The following ZYG11A variants were observed in gnomAD, a reference collection of about 807,000 sequenced individuals.
The protein encoded by ZYG11A is zyg-11 family member A, cell cycle regulator, also known as protein zyg-11 homolog A.
In ZYG11A, 62 loss-of-function variants were observed where a neutral mutation model predicts 77.2. The ratio of observed to expected loss-of-function variants is 0.80; its 90% CI spans 0.65 to 0.99. ZYG11A has a LOEUF of 0.99. ZYG11A is among the 50% of genes least tolerant of loss of function. ZYG11A has a pLI of 0.00. For missense variants in ZYG11A, 828 were observed against 896.8 expected, an observed-to-expected ratio of 0.92 and a Z score of 0.98; for synonymous variants, 315 against 324.6, an observed-to-expected ratio of 0.97 and a Z score of 0.32.
chr1:52,859,206 C>T (rs186612972), intron 3 of ZYG11A, among the ~76,000 whole-genome samples: 1 of 151,650 alleles, frequency 6.6e-6, no homozygotes, highest in Non-Finnish European at 1.5e-5. Context: ...CCTGCTCTGT[C>T]GCCCAGGCTG....
At chr1:52,858,377 CAA>C (rs1202868506) in intron 3 of ZYG11A, among the ~76,000 whole-genome samples, 2 of 140,968 alleles carry the variant, frequency 1.4e-5, no homozygotes, top group Admixed American at 7.1e-5. Context: ...AACGCAGTCT[CAA>C]AAAAAAAAGA....
intron 11 of ZYG11A, among the ~76,000 whole-genome samples, chr1:52,882,531 C>A (rs966777250): frequency 1.3e-5 from 2 of 152,176 alleles, no homozygotes; most frequent in African/African-American, 2.4e-5. Flanking sequence ...TTGGTTTACT[C>A]CCACCTTTTG....
At chr1:52,880,254 G>T (rs566478129) in intron 10 of ZYG11A, among the ~76,000 whole-genome samples, 1 of 152,000 alleles carries the variant, frequency 6.6e-6, no homozygotes, top group Non-Finnish European at 1.5e-5. Context: ...AACAGGCGTG[G>T]GGGGGACATC....
chr1:52,892,584 T>TA (rs931319661), intron 13 of ZYG11A, among the ~76,000 whole-genome samples, 198 bp from the exon 14 acceptor site: 3 of 152,054 alleles, frequency 2.0e-5, no homozygotes, highest in African/African-American at 7.2e-5. Context: ...GTAAACATAC[T>TA]AAAATGAGCA....
chr1:52,865,857 T>C (rs932882729), intron 5 of ZYG11A, among the ~76,000 whole-genome samples: 6 of 152,006 alleles, frequency 3.9e-5, no homozygotes, highest in Non-Finnish European at 7.4e-5. Flanking sequence ...AGAAGTATTA[T>C]ATCTTGATTG....
At chr1:52,889,036 G>C (rs984072673) in intron 13 of ZYG11A, among the ~76,000 whole-genome samples, 4 of 152,264 alleles carry the variant, frequency 2.6e-5, no homozygotes, top group African/African-American at 9.6e-5. Flanking sequence ...TATGTGCCAG[G>C]CAATGTTGTA....
At chr1:52,867,989 C>G (rs892145243) in intron 8 of ZYG11A, among the ~76,000 whole-genome samples, 1 of 99,622 alleles carries the variant, frequency 1.0e-5, no homozygotes, top group African/African-American at 4.5e-5. Context: ...TTTTTTGAGA[C>G]AGAGTCTCAC....
chr1:52,889,454 C>T (rs553794476), intron 13 of ZYG11A, among the ~76,000 whole-genome samples: 49 of 151,012 alleles, frequency 3.2e-4, no homozygotes, highest in African/African-American at 1.1e-3. Flanking sequence ...AAAAAAACAC[C>T]TCAAAACAAA....
Position 52,869,998 on chromosome 1 carries a change from G to A in ZYG11A, c.1542+2221G>A, listed in dbSNP as rs539738222. Among the ~76,000 whole-genome samples, 279 of 149,190 alleles carry A rather than the reference G, an allele frequency of 1.9e-3. 4 individuals are homozygous for A. Among genetic ancestry groups the A allele is most frequent in the African/African-American group, 6.6e-3 (266 of 40,462 alleles). ...CACCCCCCTCCCGGGCGGGGCGGCT[G>A]CCGGGTGGAGGGGCTCCTCACTTCT... On this transcript the variant is annotated intron_variant, in intron 8 of 13. Coordinates refer to ENST00000371528, the MANE Select transcript of ZYG11A (RefSeq NM_001004339.3).
intron 10 of ZYG11A, among the ~76,000 whole-genome samples, chr1:52,878,560 T>G (rs949490925): frequency 2.0e-5 from 3 of 152,126 alleles, no homozygotes; most frequent in Admixed American, 6.6e-5. Flanking sequence ...ATAGGAGAAG[T>G]TGTGTTATTT....
At chr1:52,892,446 T>G (rs1339575462) in intron 13 of ZYG11A, among the ~76,000 whole-genome samples, 1 of 151,364 alleles carries the variant, frequency 6.6e-6, no homozygotes, top group Non-Finnish European at 1.5e-5. Flanking sequence ...GAGAATTGCT[T>G]GAGCCCGGGA....
rs1421430224 is a variant in ZYG11A at position 52,860,792 on chromosome 1, C to A, written c.1070C>A (p.Ser357Ter). 4.5e-6 allele frequency: 7 copies of A among 1,551,510 alleles called. No homozygotes were observed. Among genetic ancestry groups the A allele is most frequent in the South Asian group, 3.6e-5 (3 of 84,058 alleles). The change falls in exon 4 of 14, where the codon TCA becomes TAA. Residue 357 changes from serine to a stop codon, truncating the protein, a stop_gained. Transcript: ENST00000371528. LOFTEE classifies it high-confidence loss of function. ...GCACTGAGCCGATACAGGAACAGATCATGTTTTGTGAAGGAAGCCCTCCAC... is the reference window on the plus strand; with the variant it reads ...GCACTGAGCCGATACAGGAACAGATAATGTTTTGTGAAGGAAGCCCTCCAC... ...SEALSRYRNRSCFVKEALHRL... is the reference protein window; with the variant it reads ...SEALSRYRNR
intron 13 of ZYG11A, among the ~76,000 whole-genome samples, chr1:52,887,491 G>A (rs1646471781): frequency 6.6e-6 from 1 of 152,118 alleles, no homozygotes; most frequent in African/African-American, 2.4e-5. Flanking sequence ...ACATGGACCT[G>A]CTTCTGTGTA....
intron 11 of ZYG11A, among the ~76,000 whole-genome samples, chr1:52,881,914 T>C (rs1481639241): frequency 1.3e-5 from 2 of 151,918 alleles, no homozygotes; most frequent in African/African-American, 2.4e-5. Flanking sequence ...CTTTTTTTTT[T>C]TTTGAGACAG....
intron 3 of ZYG11A, 86 bp downstream of exon 3, chr1:52,857,835 T>G (rs1645845272): frequency 8.4e-7 from 1 of 1,192,396 alleles, no homozygotes; most frequent in Non-Finnish European, 1.1e-6. Context: ...TACTAGGTAT[T>G]AGGGTTACAG....
chr1:52,869,768 C>T (rs1426271786), intron 8 of ZYG11A, among the ~76,000 whole-genome samples: 1 of 151,942 alleles, frequency 6.6e-6, no homozygotes, highest in Non-Finnish European at 1.5e-5. Context: ...GGTACACCTC[C>T]CAGACGGGGT....
At chr1:52,861,388 C>T (rs1006414039) in intron 4 of ZYG11A, among the ~76,000 whole-genome samples, 1 of 152,108 alleles carries the variant, frequency 6.6e-6, no homozygotes, top group Non-Finnish European at 1.5e-5. Context: ...AATGAAAGGT[C>T]TTAAGAAAAA....
rs1358578092 is a variant in ZYG11A, at chr1:52,860,744, C to T, written c.1022C>T (p.Ala341Val). 1 of 1,551,048 alleles carries T rather than the reference C, an allele frequency of 6.4e-7. No homozygotes were observed. The highest frequency in any genetic ancestry group is 2.0e-5 in the Admixed American group (1 of 50,844). ...TKQGLRVAGG[A>V]SMSQISEALS... ...CTTTATTTTCAGGTTGCTGGAGGAG[C>T]CAGTATGAGTCAGATTTCAGAAGCA... Residue 341 changes from alanine (A) to valine (V), a missense_variant, in exon 4 of 14, where the codon GCC becomes GTC. Ala to Val is a moderately conservative substitution (Grantham distance 64). Coordinates refer to ENST00000371528, the MANE Select transcript of ZYG11A (RefSeq NM_001004339.3).
At chr1:52,877,625 C>A in intron 8 of ZYG11A, 57 bp from the exon 9 acceptor site, 1 of 1,438,900 alleles carries the variant, frequency 6.9e-7, no homozygotes, top group Non-Finnish European at 9.3e-7. Context: ...TTTCCTTATA[C>A]CGCAATTGAT....
Sources: allele counts gnomAD v4.1 joint callset (sites outside exome capture counted in the v4.1 genomes callset), GRCh38; gene constraint gnomAD v4.1.1; transcripts MANE v1.5; gene names NCBI Gene and HGNC (gene_info 2026-07-23, HGNC 2026-07-21).